Variants in SLC24A4 observed in about 807,000 individuals in gnomAD.
SLC24A4 encodes the protein solute carrier family 24 member 4, also known as sodium/potassium/calcium exchanger 4.
SLC24A4 carries 53 observed loss-of-function variants against 79.0 expected under a neutral mutation model. The observed-to-expected ratio is 0.67, with a 90% confidence interval of 0.54 to 0.84. The LOEUF (loss-of-function observed/expected upper bound fraction) is 0.84. SLC24A4 is among the 40% of genes least tolerant of loss of function. The pLI, the probability that SLC24A4 is intolerant of heterozygous loss-of-function variation, is 0.00. For missense variants in SLC24A4, 731 were observed against 822.0 expected (o/e 0.89, Z 1.35); for synonymous variants, 323 against 323.8 (o/e 1.00, Z 0.03).
At chr14:92,362,739 G>A (rs373180637) in intron 2 of SLC24A4, among the ~76,000 whole-genome samples, 31 of 152,322 alleles carry the variant, frequency 2.0e-4, no homozygotes, top group African/African-American at 6.7e-4. Context: ...GTCACCATGC[G>A]CTCCTCCTCT....
intron 2 of SLC24A4, among the ~76,000 whole-genome samples, chr14:92,330,799 A>G (rs76786506): frequency 0.014 from 2,079 of 152,296 alleles, 54 homozygotes; most frequent in African/African-American, 0.047. Flanking sequence ...CATGGGGGCC[A>G]TACCCTCATG....
chr14:92,430,499 C>G (rs1041885406), intron 2 of SLC24A4, among the ~76,000 whole-genome samples: 5 of 152,226 alleles, frequency 3.3e-5, no homozygotes, highest in Non-Finnish European at 1.5e-5. Context: ...TTTGGAGTTT[C>G]CCATCCAATG....
In SLC24A4 at chr14:92,482,665, C is replaced by T. The variant is rs768239698; in HGVS notation, c.1256-15C>T. 5.0e-6 allele frequency: 8 copies of T among 1,599,604 alleles called. No homozygotes were observed. Among genetic ancestry groups the T allele is most frequent in the Non-Finnish European group, 6.8e-6 (8 of 1,172,150 alleles). On this transcript the variant is annotated splice_polypyrimidine_tract_variant and intron_variant, in intron 12 of 16. Transcript: ENST00000532405. ...CTCTCCCCCTCCTTTCTCACTCTGCCCCTTCACCCTGCAGAGGCCAGAGGG... is the reference window on the plus strand; with the variant it reads ...CTCTCCCCCTCCTTTCTCACTCTGCTCCTTCACCCTGCAGAGGCCAGAGGG...
intron 12 of SLC24A4, among the ~76,000 whole-genome samples, chr14:92,468,898 G>A (rs1173992936): frequency 2.6e-5 from 1 of 38,472 alleles, no homozygotes; most frequent in Non-Finnish European, 7.0e-5. Context: ...GTATCTGTGT[G>A]TGTGTGTGTG....
chr14:92,360,379 G>A (rs1313339747), intron 2 of SLC24A4, among the ~76,000 whole-genome samples: 1 of 152,212 alleles, frequency 6.6e-6, no homozygotes, highest in Non-Finnish European at 1.5e-5. Flanking sequence ...GGGATTACAG[G>A]CATGTGCCAC....
intron 3 of SLC24A4, among the ~76,000 whole-genome samples, chr14:92,439,020 G>C (rs190805435): frequency 2.6e-5 from 4 of 152,170 alleles, no homozygotes; most frequent in Admixed American, 2.6e-4. Context: ...GGGGGGTTTC[G>C]AGAATTGTGT....
At chr14:92,421,917 G>A (rs988189531) in intron 2 of SLC24A4, among the ~76,000 whole-genome samples, 3 of 151,500 alleles carry the variant, frequency 2.0e-5, no homozygotes, top group Non-Finnish European at 2.9e-5. Flanking sequence ...AAGGGCAGCC[G>A]TTTAGAATTC....
In SLC24A4 at chr14:92,494,180, T is replaced by C. The variant is rs924524352; in HGVS notation, c.*552T>C. The C allele has an allele frequency of 1.3e-5, 2 of 152,712 alleles. No individual in the cohort carries two copies. Among genetic ancestry groups the C allele is most frequent in the African/African-American group, 4.8e-5 (2 of 41,478 alleles). 9.5% of individuals were successfully genotyped at this position (152,712 alleles called of 1,614,324 possible). On this transcript the variant is annotated 3_prime_UTR_variant, in exon 17 of 17. Coordinates refer to ENST00000532405, the MANE Select transcript of SLC24A4 (RefSeq NM_153646.4). The surrounding 1 kb of genome is among the most constrained non-coding windows in gnomAD (Gnocchi z 4.6). ...ACCTGTTGGGGTTTAGGGCCCATGA[T>C]GGCAGACATTCTACCCCTTTTCCTG...
chr14:92,374,205 A>T (rs1299954441), intron 2 of SLC24A4, among the ~76,000 whole-genome samples: 2 of 152,136 alleles, frequency 1.3e-5, no homozygotes, highest in Non-Finnish European at 2.9e-5. Context: ...GCACTGCATG[A>T]TTTTTGTGAC....
At chr14:92,358,471 G>A (rs374174641) in intron 2 of SLC24A4, among the ~76,000 whole-genome samples, 3 of 152,124 alleles carry the variant, frequency 2.0e-5, no homozygotes, top group East Asian at 1.9e-4. Context: ...GGTGATGACC[G>A]CTCACTCCGC....
chr14:92,480,286 C>CTTTTTTTTT (rs66533065), intron 12 of SLC24A4, among the ~76,000 whole-genome samples: 771 of 63,096 alleles, frequency 0.012, 107 homozygotes, highest in East Asian at 0.027. Flanking sequence ...AGATCTTTCC[C>CTTTTTTTTT]TTTTTTTTTT....
intron 2 of SLC24A4, among the ~76,000 whole-genome samples, chr14:92,425,167 A>G (rs1891500160): frequency 6.6e-6 from 1 of 152,238 alleles, no homozygotes; most frequent in Non-Finnish European, 1.5e-5. Flanking sequence ...GTGGCTATCT[A>G]CAAGCTAGGA....
intron 2 of SLC24A4, among the ~76,000 whole-genome samples, chr14:92,338,349 T>C (rs1344373931): frequency 6.6e-6 from 1 of 152,262 alleles, no homozygotes; most frequent in Non-Finnish European, 1.5e-5. Flanking sequence ...TGATTACTAC[T>C]GTTTGCCTGA....
intron 2 of SLC24A4, among the ~76,000 whole-genome samples, chr14:92,429,984 A>G (rs978830765): frequency 6.6e-6 from 1 of 152,108 alleles, no homozygotes; most frequent in African/African-American, 2.4e-5. Flanking sequence ...TAAGCTTCTC[A>G]CTGTCTCTTG....
In SLC24A4 at chr14:92,323,457, C is replaced by A. The variant is rs1222393261; in HGVS notation, c.-374C>A. On this transcript the variant is annotated 5_prime_UTR_variant, in exon 1 of 17. Transcript: ENST00000532405. This position sits in a 1 kb window ranked among gnomAD's most constrained non-coding sequence, Gnocchi z 4.9. ...CTGAGTGCTCCCTACGGCGCTGCTGCCAGGGCTGTGGCCGGGCGAGCCGGC... is the reference window on the plus strand; with the variant it reads ...CTGAGTGCTCCCTACGGCGCTGCTGACAGGGCTGTGGCCGGGCGAGCCGGC... 6.4e-6 allele frequency: 1 copy of A among 156,442 alleles called. No individual in the cohort carries two copies. The highest frequency in any genetic ancestry group is 2.4e-5 in the African/African-American group (1 of 41,606). 9.7% of individuals were successfully genotyped at this position (156,442 alleles called of 1,614,324 possible).
At chr14:92,486,527 TG>T (rs1895367256) in intron 13 of SLC24A4, 138 bp from the exon 14 acceptor site, 1 of 627,914 alleles carries the variant, frequency 1.6e-6, no homozygotes, top group Admixed American at 3.0e-5. Context: ...TGTTTTGTTT[TG>T]TTTTGTTTTA....
intron 2 of SLC24A4, among the ~76,000 whole-genome samples, chr14:92,386,137 G>A (rs1269620451): frequency 2.0e-5 from 3 of 152,054 alleles, no homozygotes; most frequent in Admixed American, 1.3e-4. Context: ...TATTGGGTGT[G>A]TTTCCCTTCA....
At chr14:92,356,155 A>G (rs1566709720) in intron 2 of SLC24A4, among the ~76,000 whole-genome samples, 1 of 152,170 alleles carries the variant, frequency 6.6e-6, no homozygotes, top group Non-Finnish European at 1.5e-5. Flanking sequence ...ATCATAGGGT[A>G]GTGTAGGTGT....
intron 12 of SLC24A4, among the ~76,000 whole-genome samples, chr14:92,464,941 C>G (rs1432581101): frequency 6.6e-6 from 1 of 152,224 alleles, no homozygotes; most frequent in Admixed American, 6.5e-5. Context: ...AACAACTACA[C>G]AGCAGAGTGT....
Sources: gnomAD v4.1 joint callset for allele counts (sites outside exome capture counted in the v4.1 genomes callset) on GRCh38, gnomAD v4.1.1 for gene constraint, Gnocchi (gnomAD v3.1) non-coding constraint, MANE v1.5 for transcripts, NCBI Gene and HGNC (gene_info 2026-07-23, HGNC 2026-07-21) for gene names.